KLF12: variants seen among roughly 807,000 people sequenced by gnomAD.
KLF12 encodes the protein Krueppel-like factor 12.
Under a neutral mutation model 37.8 loss-of-function variants are expected in KLF12, and 9 were observed. The ratio of observed to expected loss-of-function variants is 0.24; its 90% CI spans 0.14 to 0.42. KLF12 has a LOEUF of 0.42. KLF12 is among the 10% of genes least tolerant of loss of function. KLF12 has a pLI of 1.00. For missense variants in KLF12, 411 were observed against 516.0 expected (o/e 0.80, Z 1.97); for synonymous variants, 208 against 202.1 (o/e 1.03, Z -0.25).
chr13:73,855,443 T>C (rs1288452146), intron 3 of KLF12, among the ~76,000 whole-genome samples: 2 of 152,226 alleles, frequency 1.3e-5, no homozygotes, highest in Admixed American at 1.3e-4. Context: ...TGTGTGTGGC[T>C]GCATAGTATT....
chr13:74,233,802 C>G, the KLF12 span, among the ~76,000 whole-genome samples: 1 of 152,150 alleles, frequency 6.6e-6, no homozygotes, highest in Non-Finnish European at 1.5e-5. Flanking sequence ...TAAAAAGTGG[C>G]ATTCCAATAA....
chr13:74,232,842 A>G, the KLF12 span, among the ~76,000 whole-genome samples: 2 of 152,248 alleles, frequency 1.3e-5, no homozygotes, highest in Admixed American at 1.3e-4. Context: ...ATAGGTATAC[A>G]GTGATCTTTA....
At chr13:74,007,283 A>AT (rs796578580) in intron 1 of KLF12, among the ~76,000 whole-genome samples, 2,071 of 145,750 alleles carry the variant, frequency 0.014, 20 homozygotes, top group African/African-American at 0.026. Flanking sequence ...GGATATTTTT[A>AT]TTTTTTTTTT....
chr13:73,697,639 T>C (rs1243797060), intron 7 of KLF12, among the ~76,000 whole-genome samples: 1 of 152,230 alleles, frequency 6.6e-6, no homozygotes, highest in East Asian at 1.9e-4. Context: ...ATAAAATTCA[T>C]CTTTTCAAAA....
rs531031140 is a variant in KLF12, at chr13:73,880,343, G to A, written c.124-33970C>T. On this transcript the variant is annotated intron_variant, in intron 3 of 7. Transcript: ENST00000377669. ...AGTTTAGCATCAGATCCAGGCTAACGAAGAGTTAAATGAGTTAGAAGGGAG... is the reference window on the plus strand; with the variant it reads ...AGTTTAGCATCAGATCCAGGCTAACAAAGAGTTAAATGAGTTAGAAGGGAG... Among the ~76,000 whole-genome samples, 183 of 152,314 alleles carry A rather than the reference G, an allele frequency of 1.2e-3. 1 individual carries two copies. Among genetic ancestry groups the A allele is most frequent in the Admixed American group, 2.3e-3 (35 of 15,298 alleles).
the KLF12 span, among the ~76,000 whole-genome samples, chr13:74,210,162 A>G: frequency 6.6e-6 from 1 of 152,184 alleles, no homozygotes; most frequent in Non-Finnish European, 1.5e-5. Flanking sequence ...ATAGCAAATG[A>G]ATCTGAATAG....
intron 1 of KLF12, among the ~76,000 whole-genome samples, chr13:74,103,723 C>CTAAAA (rs1566213887): frequency 5.9e-5 from 9 of 152,156 alleles, no homozygotes; most frequent in Non-Finnish European, 1.3e-4. Flanking sequence ...AGACAACTTC[C>CTAAAA]AGGTCACTAT....
At chr13:73,895,324 A>C (rs1366353103) in intron 3 of KLF12, among the ~76,000 whole-genome samples, 3 of 152,206 alleles carry the variant, frequency 2.0e-5, no homozygotes, top group Non-Finnish European at 2.9e-5. Flanking sequence ...CACATGGTGA[A>C]ACCACAGTTA....
the KLF12 span, among the ~76,000 whole-genome samples, chr13:74,271,191 C>G: frequency 6.6e-6 from 1 of 152,174 alleles, no homozygotes; most frequent in Admixed American, 6.5e-5. Context: ...CATCCCGAAA[C>G]CATCCCTCCC....
intron 1 of KLF12, among the ~76,000 whole-genome samples, chr13:74,127,272 A>G (rs1877993983): frequency 6.6e-6 from 1 of 152,246 alleles, no homozygotes; most frequent in Non-Finnish European, 1.5e-5. Flanking sequence ...TTGCAAGAAG[A>G]CATAAAAAAT....
the KLF12 span, among the ~76,000 whole-genome samples, chr13:74,190,245 C>T: frequency 1.3e-5 from 2 of 151,936 alleles, no homozygotes; most frequent in African/African-American, 4.8e-5. Context: ...ACTTTTTGAC[C>T]TTTGCAAATC....
the KLF12 span, among the ~76,000 whole-genome samples, chr13:74,187,936 G>T: frequency 6.6e-6 from 1 of 152,094 alleles, no homozygotes; most frequent in Non-Finnish European, 1.5e-5. Flanking sequence ...ATTTAACATT[G>T]TTCACTAAAT....
intron 1 of KLF12, among the ~76,000 whole-genome samples, chr13:74,106,850 A>C (rs1291352450): frequency 6.6e-6 from 1 of 152,204 alleles, no homozygotes; most frequent in East Asian, 1.9e-4. Flanking sequence ...CCTCTATATT[A>C]TGATGGTAAA....
chr13:74,075,747 A>G (rs190549706), intron 1 of KLF12, among the ~76,000 whole-genome samples: 1 of 152,192 alleles, frequency 6.6e-6, no homozygotes, highest in Admixed American at 6.6e-5. Flanking sequence ...ACTACACACA[A>G]AAAAGTGGAA....
intron 4 of KLF12, among the ~76,000 whole-genome samples, chr13:73,829,357 A>G (rs1884024792): frequency 6.6e-6 from 1 of 152,210 alleles, no homozygotes; most frequent in Non-Finnish European, 1.5e-5. Context: ...CAAACAAAAT[A>G]AATCAGTACT....
the KLF12 span, among the ~76,000 whole-genome samples, chr13:74,303,010 G>A: frequency 1.3e-4 from 20 of 151,894 alleles, no homozygotes; most frequent in Admixed American, 1.3e-3. Flanking sequence ...ATTTGTAAAG[G>A]CCAAGCCAGG....
At chr13:74,255,396 G>C in the KLF12 span, among the ~76,000 whole-genome samples, 5 of 152,180 alleles carry the variant, frequency 3.3e-5, no homozygotes, top group African/African-American at 1.2e-4. Context: ...ATACTCATTT[G>C]CTGAGGGTAT....
the KLF12 span, among the ~76,000 whole-genome samples, chr13:74,272,251 G>T: frequency 6.6e-6 from 1 of 152,098 alleles, no homozygotes. Flanking sequence ...AATTTAGTAA[G>T]TATTTATATG....
At chr13:74,272,747 G>A in the KLF12 span, among the ~76,000 whole-genome samples, 1 of 152,188 alleles carries the variant, frequency 6.6e-6, no homozygotes, top group Non-Finnish European at 1.5e-5. Flanking sequence ...AAGGCTATGT[G>A]TCTAGAAGGG....
Sources: gnomAD v4.1 joint callset for allele counts (sites outside exome capture counted in the v4.1 genomes callset) on GRCh38, gnomAD v4.1.1 for gene constraint, MANE v1.5 for transcripts, NCBI Gene and HGNC (gene_info 2026-07-23, HGNC 2026-07-21) for gene names.